Variants in SNTN observed in about 807,000 individuals in gnomAD.
SNTN encodes sentan, cilia apical structure protein.
SNTN carries 13 observed loss-of-function variants against 12.3 expected under a neutral mutation model. The ratio of observed to expected loss-of-function variants is 1.05; its 90% CI spans 0.69 to 1.67. The LOEUF (loss-of-function observed/expected upper bound fraction) is 1.67, where lower values mean the gene tolerates loss of function less well. Ranked by LOEUF, SNTN falls within the 40% of genes most tolerant of loss-of-function variation. SNTN has a pLI of 0.00. For missense variants in SNTN, 189 were observed against 169.8 expected (o/e 1.11, Z -0.63); for synonymous variants, 69 against 58.5 (o/e 1.18, Z -0.82).
At chr3:63,658,883 G>C (rs538411024) in intron 2 of SNTN, among the ~76,000 whole-genome samples, 2 of 152,236 alleles carry the variant, frequency 1.3e-5, no homozygotes, top group East Asian at 3.9e-4. Flanking sequence ...TCATTTAACA[G>C]CATTTATTAG....
intron 1 of SNTN, 27 bp from the exon 2 acceptor site, chr3:63,654,735 A>G (rs1419189573): frequency 1.4e-5 from 23 of 1,611,208 alleles, no homozygotes; most frequent in Non-Finnish European, 1.9e-5. Flanking sequence ...TCCCAGAATC[A>G]TTCTGTTTCT....
At chr3:63,663,513 C>T (rs1046719790) in intron 3 of SNTN, among the ~76,000 whole-genome samples, 1 of 152,098 alleles carries the variant, frequency 6.6e-6, no homozygotes, top group Admixed American at 6.6e-5. Context: ...GAGGTGGGGC[C>T]TTATGGGAGG....
chr3:63,664,099 G>T lies in SNTN; in HGVS notation c.*4G>T, dbSNP rs769129538. On this transcript the variant is annotated 3_prime_UTR_variant, in exon 4 of 4. Coordinates refer to ENST00000343837, the MANE Select transcript of SNTN (RefSeq NM_001080537.2). ...GAATGTAAAAATTATGAAATGAACA[G>T]TTTTAAATATGCTGTATAAAATAAT... is the stretch of plus-strand genomic sequence containing the variant. 1.5e-5 allele frequency: 24 copies of T among 1,596,198 alleles called. No individual in the cohort carries two copies. The highest frequency in any genetic ancestry group is 4.3e-6 in the Non-Finnish European group (5 of 1,171,438).
chr3:63,662,937 G>T (rs1173124273), intron 3 of SNTN, among the ~76,000 whole-genome samples: 6 of 152,146 alleles, frequency 3.9e-5, no homozygotes, highest in African/African-American at 1.4e-4. Context: ...ATACTATTAA[G>T]ATGCTTTCCT....
At chr3:63,654,718 C>A (rs767754831) in intron 1 of SNTN, 44 bp from the exon 2 acceptor site, 3 of 1,580,926 alleles carry the variant, frequency 1.9e-6, no homozygotes, top group African/African-American at 2.7e-5. Flanking sequence ...GATATCAATA[C>A]CCCAACTCCC....
chr3:63,656,235 G>T (rs1700678695), intron 2 of SNTN, among the ~76,000 whole-genome samples: 1 of 152,196 alleles, frequency 6.6e-6, no homozygotes, highest in Non-Finnish European at 1.5e-5. Flanking sequence ...CAGAGCAGGT[G>T]AGGAGGAAGA....
At position 63,659,747 on chromosome 3, in the gene SNTN, G is replaced by A. The variant is rs774280467; in HGVS notation, c.168G>A (p.Leu56=). The part of the protein sequence containing the change: ...SVKALRKCSD[L]EKAIATTALI... ...TAGCTCTGAGGAAGTGCTCAGATCT[G>A]GAAAAAGCTATTGCCACCACTGCTC... is the stretch of plus-strand genomic sequence containing the variant. Residue 56 remains leucine (L), a synonymous_variant, in exon 3 of 4, where the codon CTG becomes CTA. Coordinates refer to ENST00000343837, the MANE Select transcript of SNTN (RefSeq NM_001080537.2). 2 of 1,613,932 alleles carry A rather than the reference G, an allele frequency of 1.2e-6. No homozygotes were observed. Among genetic ancestry groups the A allele is most frequent in the South Asian group, 1.1e-5 (1 of 91,062 alleles).
At chr3:63,662,962 T>G (rs1470087620) in intron 3 of SNTN, among the ~76,000 whole-genome samples, 1 of 152,204 alleles carries the variant, frequency 6.6e-6, no homozygotes, top group African/African-American at 2.4e-5. Context: ...TCTGACTATT[T>G]ATGAACACTG....
chr3:63,654,227 CTTAG>C (rs1483779301), intron 1 of SNTN, among the ~76,000 whole-genome samples: 1 of 152,192 alleles, frequency 6.6e-6, no homozygotes, highest in East Asian at 1.9e-4. Context: ...TACCCAGATT[CTTAG>C]TTAGGAAGGC....
intron 2 of SNTN, 28 bp downstream of exon 2, chr3:63,654,824 T>C (rs1559559948): frequency 6.2e-7 from 1 of 1,606,538 alleles, no homozygotes. Context: ...CAGATGTACA[T>C]TTTTCTCCTC....
chr3:63,663,404 C>T (rs867376087), intron 3 of SNTN, among the ~76,000 whole-genome samples: 3 of 152,144 alleles, frequency 2.0e-5, no homozygotes, highest in Non-Finnish European at 2.9e-5. Context: ...TTGTTGGCAA[C>T]TTGATGTGTT....
chr3:63,661,687 G>A (rs1024203496), intron 3 of SNTN, among the ~76,000 whole-genome samples: 5 of 149,592 alleles, frequency 3.3e-5, no homozygotes, highest in African/African-American at 1.2e-4. Flanking sequence ...TACTTTTTCA[G>A]GCAGAAATAT....
In SNTN at chr3:63,664,203, C is replaced by T; in HGVS notation, c.*108C>T. On this transcript the variant is annotated 3_prime_UTR_variant, in exon 4 of 4. Transcript: ENST00000343837. ...ATATCTATCATGCATCTGAAATTGCCTAGGATGGTTCTGATTGCTGGTATT... is the reference window on the plus strand; with the variant it reads ...ATATCTATCATGCATCTGAAATTGCTTAGGATGGTTCTGATTGCTGGTATT... 6 of 1,144,950 alleles carry T rather than the reference C, an allele frequency of 5.2e-6. No individual in the cohort carries two copies. Among genetic ancestry groups the T allele is most frequent in the Non-Finnish European group, 6.0e-6 (5 of 827,502 alleles). 70.9% of individuals were successfully genotyped at this position (1,144,950 alleles called of 1,614,324 possible). A position where few individuals can be genotyped will look rare whatever the true frequency, so the allele number is the denominator to read the frequency against.
At chr3:63,658,297 G>C (rs59505515) in intron 2 of SNTN, among the ~76,000 whole-genome samples, 40 of 151,364 alleles carry the variant, frequency 2.6e-4, no homozygotes, top group South Asian at 1.0e-3. Flanking sequence ...ATCTACTCAC[G>C]GAGGCCTTCC....
intron 2 of SNTN, among the ~76,000 whole-genome samples, chr3:63,655,645 C>A (rs931330698): frequency 6.6e-6 from 1 of 152,086 alleles, no homozygotes; most frequent in Non-Finnish European, 1.5e-5. Context: ...ACACACCCAC[C>A]CCTGCCCACG....
At chr3:63,661,222 C>G (rs1700740589) in intron 3 of SNTN, among the ~76,000 whole-genome samples, 1 of 152,022 alleles carries the variant, frequency 6.6e-6, no homozygotes, top group African/African-American at 2.4e-5. Context: ...AAATACCAGC[C>G]TAGGGAAAAT....
At chr3:63,653,233 G>C (rs1236821494) in intron 1 of SNTN, among the ~76,000 whole-genome samples, 1 of 152,180 alleles carries the variant, frequency 6.6e-6, no homozygotes, top group Admixed American at 6.5e-5. Context: ...CAAGTTCTAG[G>C]TAGTCTGCGA....
In SNTN at chr3:63,664,730, T is replaced by A. The variant is rs1259161833; in HGVS notation, c.*635T>A. 1 of 144,062 alleles carries A rather than the reference T, an allele frequency of 6.9e-6. No homozygotes were observed. The highest frequency in any genetic ancestry group is 2.6e-5 in the African/African-American group (1 of 38,662). 8.9% of individuals were successfully genotyped at this position (144,062 alleles called of 1,614,324 possible). A position where few individuals can be genotyped will look rare whatever the true frequency, so the allele number is the denominator to read the frequency against. ...TGTCCACAAATGGCACAAGGGGAGT[T>A]TTTTATTTTATTTTATTTTATTTTA... On this transcript the variant is annotated 3_prime_UTR_variant, in exon 4 of 4. Transcript: ENST00000343837.
chr3:63,657,779 G>T (rs918816167), intron 2 of SNTN, among the ~76,000 whole-genome samples: 6 of 152,268 alleles, frequency 3.9e-5, no homozygotes, highest in African/African-American at 1.4e-4. Context: ...ATACTCCTAA[G>T]TGGCTAATCT....
Sources: allele counts gnomAD v4.1 joint callset (sites outside exome capture counted in the v4.1 genomes callset), GRCh38; gene constraint gnomAD v4.1.1; transcripts MANE v1.5; gene names NCBI Gene and HGNC (gene_info 2026-07-23, HGNC 2026-07-21).